SYTL5: variants seen among roughly 807,000 people sequenced by gnomAD.
SYTL5 encodes the protein synaptotagmin like 5, also known as synaptotagmin-like protein 5.
Under a neutral mutation model 55.9 loss-of-function variants are expected in SYTL5, and 34 were observed. The ratio of observed to expected loss-of-function variants is 0.61; its 90% confidence interval spans 0.46 to 0.81. The LOEUF is 0.81. Among genes scored for constraint, SYTL5 ranks in the 30% least tolerant of loss-of-function variants. The pLI is 0.00. For missense variants in SYTL5, 637 were observed against 546.7 expected (o/e 1.17, Z -1.65); for synonymous variants, 221 against 188.7 (o/e 1.17, Z -1.40).
chrX:37,984,418 T>G, the SYTL5 span, among the ~76,000 whole-genome samples: 27 of 111,796 alleles, frequency 2.4e-4, no homozygotes, highest in African/African-American at 8.4e-4. Context: ...CATAAACTAC[T>G]GAAACTGACT....
At chrX:38,075,868 T>C (rs1936378157) in intron 5 of SYTL5, among the ~76,000 whole-genome samples, 1 of 111,975 alleles carries the variant, frequency 8.9e-6, no homozygotes, top group Admixed American at 9.5e-5. Context: ...CTTATTCAAG[T>C]ACATTTGGAA....
chrX:38,078,930 C>G (rs1276992180), intron 6 of SYTL5, among the ~76,000 whole-genome samples: 2 of 112,237 alleles, frequency 1.8e-5, no homozygotes, highest in East Asian at 5.6e-4. Context: ...TTGGCTTAAG[C>G]ATGTTAAGAA....
chrX:38,126,913 T>C lies in SYTL5; in HGVS notation c.*183T>C. The C allele has an allele frequency of 2.3e-6, 1 of 432,369 alleles. No homozygotes were observed. Among genetic ancestry groups the C allele is most frequent in the East Asian group, 3.8e-5 (1 of 26,241 alleles). 35.6% of individuals were successfully genotyped at this position (432,369 alleles called of 1,213,427 possible). On this transcript the variant is annotated 3_prime_UTR_variant, in exon 17 of 17. Coordinates refer to ENST00000297875, the MANE Select transcript of SYTL5 (RefSeq NM_138780.3). ...TCTTGCTGAGTGCCTAAAAAACATA[T>C]ATTTCCATCCAATCAAGGCCTTCTT...
intron 9 of SYTL5, among the ~76,000 whole-genome samples, chrX:38,099,405 A>G (rs1937025323): frequency 9.0e-6 from 1 of 111,338 alleles, no homozygotes; most frequent in Non-Finnish European, 1.9e-5. Context: ...AAAAGGGGCA[A>G]TTTGAAAAAA....
the SYTL5 span, among the ~76,000 whole-genome samples, chrX:37,944,334 G>A: frequency 0.035 from 3,822 of 110,781 alleles, 170 homozygotes; most frequent in African/African-American, 0.12. Flanking sequence ...TTTTGATTGA[G>A]ATTTGACATT....
chrX:37,926,587 T>G, the SYTL5 span, among the ~76,000 whole-genome samples: 1 of 111,880 alleles, frequency 8.9e-6, no homozygotes, highest in South Asian at 3.7e-4. Flanking sequence ...GTTTTAGTAA[T>G]AAATAGAAAA....
the SYTL5 span, among the ~76,000 whole-genome samples, chrX:37,936,624 C>G: frequency 1.8e-5 from 2 of 112,201 alleles, no homozygotes; most frequent in African/African-American, 6.5e-5. Flanking sequence ...CTTCTAGAGG[C>G]AAATTCTTAT....
the SYTL5 span, among the ~76,000 whole-genome samples, chrX:37,998,036 C>T: frequency 8.9e-6 from 1 of 112,105 alleles, no homozygotes; most frequent in South Asian, 3.8e-4. Context: ...CAGAGAGGAG[C>T]TTCCCACTCC....
In SYTL5 at chrX:38,108,640, A is replaced by C; in HGVS notation, c.1375A>C (p.Asn459His). The C allele has an allele frequency of 8.3e-7, 1 of 1,204,459 alleles. No homozygotes were observed. Among genetic ancestry groups the C allele is most frequent in the Non-Finnish European group, 1.1e-6 (1 of 890,928 alleles). ...TCTTCTTCCTGACAAGTCCCGGAAC[A>C]ACAAGCGTAAGACCAAAATCAGAAC... is the stretch of plus-strand genomic sequence containing the variant. ...SYLLPDKSRN[N>H]KRKTKIRTGT... Residue 459 changes from asparagine (N) to histidine (H), a missense_variant, in exon 12 of 17, where the codon AAC (asparagine) becomes CAC (histidine). By Grantham distance (68) the Asn-to-His change is moderately conservative. Transcript: ENST00000297875.
the SYTL5 span, among the ~76,000 whole-genome samples, chrX:37,895,409 T>TTTCCTTCCTTCCTTCCTTCCTTCC: frequency 1.3e-4 from 11 of 83,456 alleles, no homozygotes; most frequent in African/African-American, 5.6e-4. Context: ...TAGTTTTTCT[T>TTTCCTTCCTTCCTTCCTTCCTTCC]TTCCTTCCTT....
chrX:38,073,193 C>T (rs1321145719), intron 4 of SYTL5, among the ~76,000 whole-genome samples: 2 of 112,121 alleles, frequency 1.8e-5, no homozygotes, highest in Non-Finnish European at 3.8e-5. Context: ...CAGATGCCCA[C>T]CCTCCCAGGA....
chrX:37,905,445 G>C, the SYTL5 span, among the ~76,000 whole-genome samples: 5 of 106,532 alleles, frequency 4.7e-5, no homozygotes, highest in African/African-American at 1.4e-4. Context: ...GTGTGGGGGG[G>C]GCGTGGGGGG....
chrX:37,891,589 G>T, the SYTL5 span, among the ~76,000 whole-genome samples: 2 of 111,358 alleles, frequency 1.8e-5, no homozygotes, highest in Non-Finnish European at 3.8e-5. Context: ...TACTACTATT[G>T]AATTGTACAC....
chrX:38,117,469 C>T lies in SYTL5; in HGVS notation c.1597-2889C>T, dbSNP rs189113620. Among the ~76,000 whole-genome samples, 283 of 111,743 alleles carry T rather than the reference C, an allele frequency of 2.5e-3. 2 individuals carry two copies. The highest frequency in any genetic ancestry group is 4.7e-3 in the Middle Eastern group (1 of 215). ...TTTCCTACTGGCGTATTTTCATACCCGAAGATCTCACTCAAAAAGCAAACA... is the reference window on the plus strand; with the variant it reads ...TTTCCTACTGGCGTATTTTCATACCTGAAGATCTCACTCAAAAAGCAAACA... On this transcript the variant is annotated intron_variant, in intron 13 of 16. Coordinates refer to ENST00000297875, the MANE Select transcript of SYTL5 (RefSeq NM_138780.3).
At chrX:37,924,132 C>A in the SYTL5 span, among the ~76,000 whole-genome samples, 1 of 111,107 alleles carries the variant, frequency 9.0e-6, no homozygotes, top group Admixed American at 9.6e-5. Context: ...TAAGGTAAGT[C>A]TAGATAAAAA....
chrX:38,059,541 A>G (rs185626881), intron 3 of SYTL5, among the ~76,000 whole-genome samples: 14 of 112,176 alleles, frequency 1.2e-4, no homozygotes, highest in Admixed American at 5.7e-4. Flanking sequence ...TCTGGATCAC[A>G]TAAACTCATA....
At chrX:37,937,796 C>T in the SYTL5 span, among the ~76,000 whole-genome samples, 1 of 112,409 alleles carries the variant, frequency 8.9e-6, no homozygotes, top group Non-Finnish European at 1.9e-5. Context: ...GAGTGAGCTA[C>T]ACAGATGTTG....
chrX:37,963,904 G>A, the SYTL5 span, among the ~76,000 whole-genome samples: 1 of 111,530 alleles, frequency 9.0e-6, no homozygotes, highest in Non-Finnish European at 1.9e-5. Flanking sequence ...TTCCTAGTTT[G>A]TTGAGTGTTT....
the SYTL5 span, among the ~76,000 whole-genome samples, chrX:37,979,368 G>T: frequency 9.3e-6 from 1 of 107,554 alleles, no homozygotes; most frequent in Non-Finnish European, 1.9e-5. Context: ...AGCCGCTGTG[G>T]GGATATTAAA....
Sources: gnomAD v4.1 joint callset for allele counts (sites outside exome capture counted in the v4.1 genomes callset) on GRCh38, gnomAD v4.1.1 for gene constraint, MANE v1.5 for transcripts, NCBI Gene and HGNC (gene_info 2026-07-23, HGNC 2026-07-21) for gene names.